The following HNRNPA1L2 variants were observed in gnomAD, a reference collection of about 807,000 sequenced individuals.
HNRNPA1L2 encodes heterogeneous nuclear ribonucleoprotein A1 like 2.
HNRNPA1L2 carries 10 observed loss-of-function variants against 18.2 expected under a neutral mutation model. The ratio of observed to expected loss-of-function variants is 0.55; its 90% confidence interval spans 0.34 to 0.93. The LOEUF (loss-of-function observed/expected upper bound fraction) is 0.93, where lower values mean the gene tolerates loss of function less well. Among genes scored for constraint, HNRNPA1L2 ranks in the 40% least tolerant of loss-of-function variants. The pLI is 0.02. For missense variants in HNRNPA1L2, 308 were observed against 394.4 expected (o/e 0.78, Z 1.85); for synonymous variants, 124 against 138.6 (o/e 0.89, Z 0.74).
At chr13:52,632,598 C>T in the HNRNPA1L2 span, 1 of 152,746 alleles carries the variant, frequency 6.5e-6, no homozygotes, top group Non-Finnish European at 1.5e-5. Flanking sequence ...ATATTCCCTC[C>T]TGTCATTGGC....
chr13:52,639,011 A>C (rs923721182), upstream of HNRNPA1L2, among the ~76,000 whole-genome samples: 9 of 152,210 alleles, frequency 5.9e-5, no homozygotes, highest in African/African-American at 2.2e-4. Flanking sequence ...TGGTACAGAA[A>C]GTTGGAAAAC....
upstream of HNRNPA1L2, among the ~76,000 whole-genome samples, chr13:52,639,735 A>C (rs1961587522): frequency 6.6e-6 from 1 of 150,506 alleles, no homozygotes; most frequent in Admixed American, 6.6e-5. Context: ...ATCCCTTGGG[A>C]ATACATAATG....
At chr13:52,623,754 T>A in the HNRNPA1L2 span, among the ~76,000 whole-genome samples, 6 of 152,216 alleles carry the variant, frequency 3.9e-5, no homozygotes, top group South Asian at 2.1e-4. Flanking sequence ...CCCATTGATA[T>A]GGTTACCATA....
At position 52,642,658 on chromosome 13, in the gene HNRNPA1L2, G is replaced by A; in HGVS notation, c.166G>A (p.Gly56Ser). Reference protein sequence around the residue: ...MRDPNTKRSRGFGFVTYATVE... With the variant: ...MRDPNTKRSRSFGFVTYATVE... ...AGATCCAAACACCAAGCGCTCCAGG[G>A]GCTTTGGGTTTGTCACATATGCCAC... Residue 56 changes from glycine (G) to serine (S), a missense_variant, in exon 1 of 1, where the codon GGC becomes AGC. Transcript: ENST00000357495. The A allele has an allele frequency of 6.2e-7, 1 of 1,611,268 alleles. No individual in the cohort carries two copies. The highest frequency in any genetic ancestry group is 1.1e-5 in the South Asian group (1 of 90,960).
the HNRNPA1L2 span, among the ~76,000 whole-genome samples, chr13:52,630,616 A>T: frequency 6.6e-6 from 1 of 152,162 alleles, no homozygotes; most frequent in East Asian, 1.9e-4. Flanking sequence ...GAGTGTTTTC[A>T]ATACATTGTG....
upstream of HNRNPA1L2, among the ~76,000 whole-genome samples, chr13:52,640,337 T>C (rs770421350): frequency 1.6e-4 from 24 of 152,206 alleles, no homozygotes; most frequent in Non-Finnish European, 3.5e-4. Context: ...TTTTAACTAG[T>C]ATTGTTTATT....
At chr13:52,634,488 A>G in the HNRNPA1L2 span, among the ~76,000 whole-genome samples, 2 of 152,232 alleles carry the variant, frequency 1.3e-5, 1 homozygote, top group East Asian at 3.8e-4. Context: ...TGTTTGTGCT[A>G]TACTTGCATG....
At chr13:52,624,546 T>C in the HNRNPA1L2 span, among the ~76,000 whole-genome samples, 2 of 152,242 alleles carry the variant, frequency 1.3e-5, no homozygotes, top group African/African-American at 4.8e-5. Flanking sequence ...ACAAGGATAA[T>C]GTCATTGATA....
At chr13:52,624,105 G>A in the HNRNPA1L2 span, among the ~76,000 whole-genome samples, 1 of 152,056 alleles carries the variant, frequency 6.6e-6, no homozygotes, top group African/African-American at 2.4e-5. Flanking sequence ...AGAGGAAGTT[G>A]TATTTTGTTT....
rs763387817 is a variant in HNRNPA1L2 at position 52,642,784 on chromosome 13, C to A, written c.292C>A (p.Pro98Thr). 2.3e-5 allele frequency: 36 copies of A among 1,597,096 alleles called. No individual in the cohort carries two copies. The highest frequency in any genetic ancestry group is 2.2e-4 in the Middle Eastern group (1 of 4,578). ...RAVSREDSQR[P>T]GAHLTVKKIF... ...TGTCTCCAGAGAAGATTCTCAAAGACCAGGTGCCCACTTAACTGTGAAAAA... is the reference window on the plus strand; with the variant it reads ...TGTCTCCAGAGAAGATTCTCAAAGAACAGGTGCCCACTTAACTGTGAAAAA... Residue 98 changes from proline to threonine, a missense_variant, in exon 1 of 1, where the codon CCA (proline) becomes ACA (threonine). Transcript: ENST00000357495.
the HNRNPA1L2 span, among the ~76,000 whole-genome samples, chr13:52,634,594 C>G: frequency 1.3e-5 from 2 of 152,166 alleles, no homozygotes; most frequent in Non-Finnish European, 2.9e-5. Context: ...ATCTTACCAT[C>G]CCAAATAATG....
chr13:52,638,701 C>G (rs1181417401), upstream of HNRNPA1L2, among the ~76,000 whole-genome samples: 1 of 152,168 alleles, frequency 6.6e-6, no homozygotes, highest in Non-Finnish European at 1.5e-5. Flanking sequence ...AGATTTCATT[C>G]TAAGTAACCA....
upstream of HNRNPA1L2, among the ~76,000 whole-genome samples, chr13:52,640,112 G>T (rs1288268998): frequency 6.6e-6 from 1 of 151,950 alleles, no homozygotes; most frequent in Non-Finnish European, 1.5e-5. Context: ...TAATAGATGT[G>T]TGTATTTTTG....
the HNRNPA1L2 span, among the ~76,000 whole-genome samples, chr13:52,627,066 G>A: frequency 6.6e-6 from 1 of 152,150 alleles, no homozygotes; most frequent in African/African-American, 2.4e-5. Flanking sequence ...ACCTTAGGTT[G>A]GTTCCAGTTT....
At chr13:52,620,241 G>A in the HNRNPA1L2 span, among the ~76,000 whole-genome samples, 2 of 152,120 alleles carry the variant, frequency 1.3e-5, no homozygotes, top group Non-Finnish European at 2.9e-5. Flanking sequence ...TGCATCAGAA[G>A]CACCTGGGTC....
the HNRNPA1L2 span, chr13:52,629,374 A>G: frequency 5.8e-5 from 13 of 225,318 alleles, no homozygotes; most frequent in East Asian, 1.4e-3. Context: ...CAGGCTTTGT[A>G]GTCTGCTGGG....
upstream of HNRNPA1L2, among the ~76,000 whole-genome samples, chr13:52,639,876 G>GT (rs371984561): frequency 0.016 from 884 of 56,968 alleles, 29 homozygotes; most frequent in East Asian, 0.049. Context: ...TGTTGTTCTT[G>GT]TTTTTTTTTT....
chr13:52,628,672 A>G, the HNRNPA1L2 span, among the ~76,000 whole-genome samples: 1 of 152,200 alleles, frequency 6.6e-6, no homozygotes, highest in Admixed American at 6.5e-5. Context: ...TGAAATGAAT[A>G]TTTCTGAAGA....
At position 52,642,522 on chromosome 13, in the gene HNRNPA1L2, C is replaced by T. The variant is rs147743810; in HGVS notation, c.30C>T (p.Pro10=). 96 of 1,611,684 alleles carry T rather than the reference C, an allele frequency of 6.0e-5. No individual in the cohort carries two copies. In the Admixed American group the frequency reaches 6.8e-4, roughly 11 times the overall value. MSKSASPKE[P]EQLRKLFIGG... is the part of the protein sequence containing the mutation. ...CTAAGTCAGCGTCTCCAAAAGAGCC[C>T]GAACAGCTGAGGAAGCTCTTCATTG... Residue 10 remains proline, a synonymous_variant, in exon 1 of 1, where the codon CCC becomes CCT. Transcript: ENST00000357495.
Sources: allele counts gnomAD v4.1 joint callset (sites outside exome capture counted in the v4.1 genomes callset), GRCh38; gene constraint gnomAD v4.1.1; transcripts MANE v1.5; gene names NCBI Gene and HGNC (gene_info 2026-07-23, HGNC 2026-07-21).